The following NEK11 variants were observed in gnomAD, a reference collection of about 807,000 sequenced individuals.
NEK11 encodes serine/threonine-protein kinase Nek11.
A neutral mutation model predicts 80.7 loss-of-function variants in NEK11; 72 were observed. That is an observed-to-expected ratio of 0.89 (90% CI 0.74 to 1.08). The LOEUF (loss-of-function observed/expected upper bound fraction) is 1.08, where lower values mean the gene tolerates loss of function less well. NEK11 is among the 50% of genes least tolerant of loss of function. NEK11 has a pLI of 0.00. For missense variants in NEK11, 764 were observed against 763.6 expected (o/e 1.00, Z -0.01); for synonymous variants, 251 against 260.7 (o/e 0.96, Z 0.36).
chr3:131,129,992 G>A (rs1373495871), intron 5 of NEK11, among the ~76,000 whole-genome samples: 1 of 151,972 alleles, frequency 6.6e-6, no homozygotes, highest in East Asian at 1.9e-4. Context: ...TTTTGATTGG[G>A]GTTACATTGC....
chr3:131,096,027 A>C lies in NEK11; in HGVS notation c.337-13776A>C, dbSNP rs368498530. On this transcript the variant is annotated intron_variant, in intron 4 of 17. Coordinates refer to ENST00000383366, the MANE Select transcript of NEK11 (RefSeq NM_024800.5). Reference sequence around the variant, plus strand: ...GTTTTCTTGAGTGATCAAAAGACTTATAAAGACCACACGAAGCACAGGAAA... The same window carrying C: ...GTTTTCTTGAGTGATCAAAAGACTTCTAAAGACCACACGAAGCACAGGAAA... 5.3e-5 allele frequency among the ~76,000 whole-genome samples: 8 copies of C among 152,338 alleles called. 1 individual carries two copies. Among genetic ancestry groups the C allele is most frequent in the Admixed American group, 2.6e-4 (4 of 15,296 alleles).
At chr3:131,124,848 T>C (rs563561971) in intron 5 of NEK11, among the ~76,000 whole-genome samples, 5 of 152,192 alleles carry the variant, frequency 3.3e-5, no homozygotes, top group Non-Finnish European at 7.3e-5. Context: ...TAGTGGTTTA[T>C]AGAGTCAAAG....
chr3:131,064,418 A>G (rs961215569), intron 3 of NEK11, among the ~76,000 whole-genome samples: 3 of 152,112 alleles, frequency 2.0e-5, no homozygotes, highest in African/African-American at 7.2e-5. Context: ...GTGTTTGTGC[A>G]AGCGTGTCCC....
intron 14 of NEK11, among the ~76,000 whole-genome samples, chr3:131,181,312 C>T (rs1319917850): frequency 6.6e-6 from 1 of 152,150 alleles, no homozygotes; most frequent in Non-Finnish European, 1.5e-5. Context: ...CCAAGGAAAG[C>T]AGGTGACCTT....
chr3:131,161,392 T>C (rs1560713578), intron 10 of NEK11, among the ~76,000 whole-genome samples: 1 of 152,164 alleles, frequency 6.6e-6, no homozygotes, highest in Admixed American at 6.5e-5. Context: ...CATATGTTCA[T>C]TGCAGCATTG....
intron 15 of NEK11, among the ~76,000 whole-genome samples, chr3:131,239,817 C>CATTG (rs2095493506): frequency 6.6e-6 from 1 of 151,768 alleles, no homozygotes. Context: ...AGGTAGCTTT[C>CATTG]ATTCATTCAT....
At chr3:131,209,146 C>T (rs996686073) in intron 14 of NEK11, among the ~76,000 whole-genome samples, 1 of 152,090 alleles carries the variant, frequency 6.6e-6, no homozygotes, top group African/African-American at 2.4e-5. Flanking sequence ...CCCATCAATA[C>T]CTAGCTTATT....
chr3:131,093,619 G>A (rs2077040094), intron 4 of NEK11, among the ~76,000 whole-genome samples: 2 of 152,038 alleles, frequency 1.3e-5, no homozygotes, highest in Non-Finnish European at 2.9e-5. Flanking sequence ...GTTTCACCAT[G>A]TTGGCCAGGT....
intron 4 of NEK11, chr3:131,092,770 A>T (rs573477136): frequency 6.6e-6 from 1 of 152,316 alleles, no homozygotes; most frequent in African/African-American, 2.4e-5. Flanking sequence ...AAAGATGCCC[A>T]TTTAGAGTGA....
At chr3:131,148,768 G>A (rs1258857897) in intron 7 of NEK11, among the ~76,000 whole-genome samples, 1 of 150,864 alleles carries the variant, frequency 6.6e-6, no homozygotes, top group Non-Finnish European at 1.5e-5. Context: ...TATATAATAT[G>A]TCACAAGGGC....
At chr3:131,329,125 T>G (rs1225359931) in intron 17 of NEK11, 1 of 152,230 alleles carries the variant, frequency 6.6e-6, no homozygotes, top group Non-Finnish European at 1.5e-5. Flanking sequence ...GAGGTCATTT[T>G]TATCTAAAGA....
At chr3:131,259,516 CAG>C (rs1394931060) in intron 16 of NEK11, among the ~76,000 whole-genome samples, 1 of 152,106 alleles carries the variant, frequency 6.6e-6, no homozygotes, top group Non-Finnish European at 1.5e-5. Flanking sequence ...CCGTCTCTGA[CAG>C]AGTTGAGTAG....
intron 17 of NEK11, among the ~76,000 whole-genome samples, chr3:131,277,768 T>C (rs1398498610): frequency 6.6e-6 from 1 of 152,216 alleles, no homozygotes; most frequent in Non-Finnish European, 1.5e-5. Flanking sequence ...CACTGACTAA[T>C]ATGTGTCCTT....
intron 14 of NEK11, 44 bp from the exon 15 acceptor site, chr3:131,228,484 A>C: frequency 1.3e-6 from 2 of 1,530,980 alleles, no homozygotes; most frequent in East Asian, 4.5e-5. Flanking sequence ...CCTCATTATA[A>C]TTTTAATAAC....
intron 3 of NEK11, chr3:131,072,456 G>A (rs527814407): frequency 6.6e-6 from 1 of 152,238 alleles, no homozygotes. Context: ...TGATGGTAGG[G>A]GTGTTGGGGG....
chr3:131,052,667 T>G (rs2068635037), intron 3 of NEK11, among the ~76,000 whole-genome samples: 1 of 152,136 alleles, frequency 6.6e-6, no homozygotes, highest in Non-Finnish European at 1.5e-5. Context: ...GGCAAATTAT[T>G]TATGAGCAGA....
chr3:131,291,223 A>G (rs528010188), intron 17 of NEK11, among the ~76,000 whole-genome samples: 1 of 152,180 alleles, frequency 6.6e-6, no homozygotes, highest in Non-Finnish European at 1.5e-5. Context: ...TTCACTTAGT[A>G]ATATTTAAGA....
At chr3:131,207,123 A>G (rs1436904065) in intron 14 of NEK11, among the ~76,000 whole-genome samples, 1 of 152,252 alleles carries the variant, frequency 6.6e-6, no homozygotes, top group Non-Finnish European at 1.5e-5. Flanking sequence ...GCCACAATAA[A>G]CATATGCGCA....
intron 14 of NEK11, among the ~76,000 whole-genome samples, chr3:131,172,628 T>A (rs2092762980): frequency 6.6e-6 from 1 of 152,244 alleles, no homozygotes; most frequent in South Asian, 2.1e-4. Context: ...AAGTGAAATT[T>A]GGAAGTATAG....
Sources: gnomAD v4.1 joint callset for allele counts (sites outside exome capture counted in the v4.1 genomes callset) on GRCh38, gnomAD v4.1.1 for gene constraint, MANE v1.5 for transcripts, NCBI Gene and HGNC (gene_info 2026-07-23, HGNC 2026-07-21) for gene names.